The following MAGI2 variants were observed in gnomAD, a reference collection of about 807,000 sequenced individuals.
MAGI2 encodes membrane associated guanylate kinase, WW and PDZ domain containing 2, also known as membrane-associated guanylate kinase, WW and PDZ domain-containing protein 2.
A neutral mutation model predicts 133.3 loss-of-function variants in MAGI2; 35 were observed. The ratio of observed to expected loss-of-function variants is 0.26; its 90% CI spans 0.20 to 0.35. The LOEUF (loss-of-function observed/expected upper bound fraction) is 0.35, where lower values mean the gene tolerates loss of function less well. Ranked by LOEUF, MAGI2 falls within the 10% of genes least tolerant of loss-of-function variation. The pLI is 1.00. For synonymous variants in MAGI2, 729 were observed against 710.6 expected, an observed-to-expected ratio of 1.03 and a Z score of -0.41; for missense variants, 1,636 against 1,863.4, an observed-to-expected ratio of 0.88 and a Z score of 2.25.
At chr7:78,550,998 G>C (rs972145897) in intron 3 of MAGI2, among the ~76,000 whole-genome samples, 1 of 152,080 alleles carries the variant, frequency 6.6e-6, no homozygotes, top group African/African-American at 2.4e-5. Context: ...GACTGAAATA[G>C]GGGAATAAAT....
chr7:79,234,957 T>C (rs1267687057), intron 1 of MAGI2, among the ~76,000 whole-genome samples: 4 of 152,002 alleles, frequency 2.6e-5, no homozygotes, highest in African/African-American at 9.7e-5. Flanking sequence ...GATGGTGATG[T>C]ACAGATGGGT....
intron 2 of MAGI2, among the ~76,000 whole-genome samples, chr7:78,867,679 T>C (rs1045007647): frequency 4.0e-5 from 6 of 150,296 alleles, no homozygotes. Flanking sequence ...ACCCTAAAAC[T>C]TAAAGTATAA....
At chr7:78,294,177 G>A (rs798341) in intron 9 of MAGI2, among the ~76,000 whole-genome samples, 68,255 of 151,852 alleles carry the variant, frequency 0.45, 17,950 homozygotes, top group East Asian at 0.72. Context: ...TTTTAGCACT[G>A]TTTTTCCCAA....
At chr7:79,249,307 G>T (rs1447299799) in intron 1 of MAGI2, among the ~76,000 whole-genome samples, 1 of 152,026 alleles carries the variant, frequency 6.6e-6, no homozygotes, top group African/African-American at 2.4e-5. Context: ...GGAGAAGTAA[G>T]TGGAATTGAA....
intron 2 of MAGI2, among the ~76,000 whole-genome samples, chr7:78,955,769 C>CTGTCTTTCTTTCT (rs1802311807): frequency 1.7e-5 from 2 of 116,770 alleles, no homozygotes; most frequent in Admixed American, 1.8e-4. Flanking sequence ...TTCTTTCTTT[C>CTGTCTTTCTTTCT]TTTCTTTCTT....
At chr7:78,218,077 A>G (rs960381658) in intron 10 of MAGI2, among the ~76,000 whole-genome samples, 1 of 152,254 alleles carries the variant, frequency 6.6e-6, no homozygotes, top group African/African-American at 2.4e-5. Context: ...TGAGGGAGCC[A>G]GATATGGTTA....
At chr7:78,883,656 T>C (rs1172196769) in intron 2 of MAGI2, among the ~76,000 whole-genome samples, 2 of 152,126 alleles carry the variant, frequency 1.3e-5, no homozygotes, top group East Asian at 3.9e-4. Flanking sequence ...CAGAATGGTA[T>C]TGATAAAAAT....
intron 9 of MAGI2, among the ~76,000 whole-genome samples, chr7:78,288,961 T>A (rs1796427129): frequency 6.6e-6 from 1 of 152,090 alleles, no homozygotes; most frequent in African/African-American, 2.4e-5. Context: ...GTCACCATCA[T>A]CAAAGACCAA....
chr7:78,943,714 A>G (rs6943858), intron 2 of MAGI2, among the ~76,000 whole-genome samples: 41,805 of 152,112 alleles, frequency 0.27, 5,860 homozygotes, highest in South Asian at 0.37. Context: ...GGAATGATTT[A>G]TTGCAAGTAG....
chr7:79,366,298 C>T (rs891164009), intron 1 of MAGI2, among the ~76,000 whole-genome samples: 2 of 152,032 alleles, frequency 1.3e-5, no homozygotes, highest in African/African-American at 2.4e-5. Context: ...AAATGTTATA[C>T]ACTGTATGAT....
intron 6 of MAGI2, among the ~76,000 whole-genome samples, chr7:78,369,432 C>T (rs1447170393): frequency 6.6e-6 from 1 of 152,080 alleles, no homozygotes; most frequent in East Asian, 1.9e-4. Flanking sequence ...TGCAGATACA[C>T]TGCTCGGTCT....
chr7:78,414,607 C>T (rs767044706), intron 6 of MAGI2, among the ~76,000 whole-genome samples: 104 of 151,410 alleles, frequency 6.9e-4, no homozygotes, highest in Non-Finnish European at 1.3e-3. Flanking sequence ...TTCCTTAACA[C>T]ACACATGCTG....
intron 1 of MAGI2, among the ~76,000 whole-genome samples, chr7:79,381,156 T>C (rs1843748063): frequency 7.8e-6 from 1 of 128,986 alleles, no homozygotes; most frequent in Non-Finnish European, 1.6e-5. Flanking sequence ...GATTAAACTG[T>C]AATCTTCTGG....
chr7:78,804,967 C>T (rs1788440421), intron 2 of MAGI2, among the ~76,000 whole-genome samples: 2 of 151,184 alleles, frequency 1.3e-5, no homozygotes, highest in South Asian at 4.2e-4. Flanking sequence ...ACTTGGGAGG[C>T]TGAGGCAGGA....
At chr7:78,452,080 A>G (rs1162812464) in intron 6 of MAGI2, among the ~76,000 whole-genome samples, 2 of 152,100 alleles carry the variant, frequency 1.3e-5, no homozygotes, top group Non-Finnish European at 2.9e-5. Context: ...TTGATGATAG[A>G]AACTAACGTT....
intron 21 of MAGI2, among the ~76,000 whole-genome samples, chr7:78,044,071 A>G (rs3823805): frequency 0.067 from 10,154 of 152,236 alleles, 343 homozygotes; most frequent in South Asian, 0.078. Context: ...TTGTGTTATA[A>G]CTTGCACTTC....
At chr7:79,158,339 T>G (rs1463521910) in intron 1 of MAGI2, among the ~76,000 whole-genome samples, 1 of 152,062 alleles carries the variant, frequency 6.6e-6, no homozygotes, top group Non-Finnish European at 1.5e-5. Flanking sequence ...GCTTAAAAAA[T>G]AAAAGTGCTT....
chr7:78,229,961 T>G (rs1789794235), intron 10 of MAGI2, among the ~76,000 whole-genome samples: 1 of 152,222 alleles, frequency 6.6e-6, no homozygotes, highest in African/African-American at 2.4e-5. Flanking sequence ...AAATGACGAT[T>G]AGAACATGGT....
At chr7:79,435,392 C>A (rs1848064311) in intron 1 of MAGI2, among the ~76,000 whole-genome samples, 1 of 152,134 alleles carries the variant, frequency 6.6e-6, no homozygotes, top group African/African-American at 2.4e-5. Flanking sequence ...TTGAAAACTT[C>A]ATTGGCAAAT....
Sources: gnomAD v4.1 joint callset for allele counts (sites outside exome capture counted in the v4.1 genomes callset) on GRCh38, gnomAD v4.1.1 for gene constraint, MANE v1.5 for transcripts, NCBI Gene and HGNC (gene_info 2026-07-23, HGNC 2026-07-21) for gene names.